ERBIN: variants seen among roughly 807,000 people sequenced by gnomAD.
ERBIN encodes the protein erbb2 interacting protein, also known as densin-180-like protein.
ERBIN carries 60 observed loss-of-function variants against 158.4 expected under a neutral mutation model. The ratio of observed to expected loss-of-function variants is 0.38; its 90% confidence interval spans 0.31 to 0.47. The LOEUF (loss-of-function observed/expected upper bound fraction) is 0.47, where lower values mean the gene tolerates loss of function less well. ERBIN is among the 20% of genes least tolerant of loss of function. The probability of loss-of-function intolerance (pLI) is 0.99; values close to 1 mark genes in which losing one functional copy is unlikely to be tolerated. For synonymous variants in ERBIN, 594 were observed against 557.2 expected, an observed-to-expected ratio of 1.07 and a Z score of -0.93; for missense variants, 1,610 against 1,648.0, an observed-to-expected ratio of 0.98 and a Z score of 0.40.
intron 21 of ERBIN, among the ~76,000 whole-genome samples, chr5:66,059,489 A>G (rs2151259695): frequency 6.6e-6 from 1 of 152,300 alleles, no homozygotes; most frequent in Non-Finnish European, 1.5e-5. Flanking sequence ...GCAAACAGGG[A>G]CAATTTGACT....
intron 1 of ERBIN, among the ~76,000 whole-genome samples, chr5:65,930,490 A>G (rs1743233002): frequency 1.3e-5 from 2 of 152,138 alleles, no homozygotes; most frequent in African/African-American, 4.8e-5. Flanking sequence ...TTGTATTTTT[A>G]GTAGAGACGC....
chr5:66,002,863 T>A (rs1272428437), intron 4 of ERBIN, among the ~76,000 whole-genome samples: 1 of 152,232 alleles, frequency 6.6e-6, no homozygotes, highest in Non-Finnish European at 1.5e-5. Flanking sequence ...GTTGACGTTT[T>A]GAGCCCAGCT....
intron 4 of ERBIN, among the ~76,000 whole-genome samples, chr5:66,008,185 G>A (rs76120652): frequency 0.04 from 6,098 of 152,230 alleles, 413 homozygotes; most frequent in African/African-American, 0.14. Context: ...GGGAGGCTGA[G>A]GTGGGCGGAT....
intron 23 of ERBIN, 93 bp from the exon 24 acceptor site, chr5:66,076,223 T>C: frequency 1.1e-6 from 1 of 891,488 alleles, no homozygotes; most frequent in African/African-American, 1.7e-5. Flanking sequence ...TTATGTTTGC[T>C]TGGACTTAAC....
intron 15 of ERBIN, among the ~76,000 whole-genome samples, chr5:66,040,042 A>G (rs565877586): frequency 2.5e-4 from 38 of 152,072 alleles, no homozygotes; most frequent in African/African-American, 8.7e-4. Flanking sequence ...TCTGGAATAC[A>G]AGAGTATTTC....
At chr5:66,076,977 C>A (rs73763088) in intron 25 of ERBIN, 28 bp downstream of exon 25, 3 of 1,215,150 alleles carry the variant, frequency 2.5e-6, no homozygotes, top group Admixed American at 2.2e-5. Flanking sequence ...TTTTTTTTTT[C>A]ATTTTATAAC....
rs1297756929 is a variant in ERBIN at position 65,948,256 on chromosome 5, C to A, written c.-58+21450C>A. ...GAGTGCAGTGGGTTGATCACTGCAG[C>A]CTGGGCATCCCAGGCTCAAGCAATC... On this transcript the variant is annotated intron_variant, in intron 1 of 25. Transcript: ENST00000284037. Among the ~76,000 whole-genome samples the A allele has an allele frequency of 1.9e-4, 29 of 151,784 alleles. 1 individual carries two copies. Among genetic ancestry groups the A allele is most frequent in the Admixed American group, 1.9e-3 (29 of 15,246 alleles).
intron 1 of ERBIN, among the ~76,000 whole-genome samples, chr5:65,967,086 A>C (rs545047230): frequency 4.6e-5 from 7 of 152,242 alleles, no homozygotes; most frequent in African/African-American, 1.7e-4. Flanking sequence ...AGCCTGGGTA[A>C]CATAGAGAGA....
intron 1 of ERBIN, among the ~76,000 whole-genome samples, chr5:65,966,378 G>T (rs531604439): frequency 6.6e-6 from 1 of 152,102 alleles, no homozygotes; most frequent in South Asian, 2.1e-4. Context: ...CTTTGAGTGT[G>T]CTCCTCCATA....
At chr5:65,987,367 T>TAAACACACACACACACACAC (rs1554053504) in intron 1 of ERBIN, among the ~76,000 whole-genome samples, 2 of 135,684 alleles carry the variant, frequency 1.5e-5, no homozygotes, top group African/African-American at 5.7e-5. Context: ...AGAGACTGTC[T>TAAACACACACACACACACAC]ACACACACAC....
chr5:66,026,741 A>G (rs1756299766), intron 13 of ERBIN, among the ~76,000 whole-genome samples: 1 of 151,982 alleles, frequency 6.6e-6, no homozygotes, highest in Non-Finnish European at 1.5e-5. Flanking sequence ...TTTTCTTTAA[A>G]TACAAAGAGT....
At chr5:66,056,581 T>C (rs2151248072) in intron 21 of ERBIN, among the ~76,000 whole-genome samples, 1 of 152,244 alleles carries the variant, frequency 6.6e-6, no homozygotes, top group South Asian at 2.1e-4. Flanking sequence ...TATTTTGAAA[T>C]TCACGGTACG....
intron 4 of ERBIN, among the ~76,000 whole-genome samples, chr5:66,009,699 G>A (rs1258364257): frequency 1.3e-5 from 2 of 152,058 alleles, no homozygotes; most frequent in Non-Finnish European, 2.9e-5. Flanking sequence ...TTGGAGGCTT[G>A]GAATAGGATT....
intron 4 of ERBIN, among the ~76,000 whole-genome samples, chr5:66,005,754 AACAG>A (rs1279505483): frequency 6.6e-6 from 1 of 152,218 alleles, no homozygotes; most frequent in Non-Finnish European, 1.5e-5. Context: ...ATACACCAGT[AACAG>A]ACAAACAGCC....
In ERBIN at chr5:66,049,668, G is replaced by A. The variant is rs570331089; in HGVS notation, c.1903+887G>A. 2.8e-4 allele frequency among the ~76,000 whole-genome samples: 42 copies of A among 151,914 alleles called. 1 individual carries two copies. Among genetic ancestry groups the A allele is most frequent in the African/African-American group, 4.8e-4 (20 of 41,470 alleles). On this transcript the variant is annotated intron_variant, in intron 19 of 25. Transcript: ENST00000284037. ...CTACTGTTAACTGTAAATACAATCCGGACTACTTGAGCTGTGCTCCTAAGA... is the reference window on the plus strand; with the variant it reads ...CTACTGTTAACTGTAAATACAATCCAGACTACTTGAGCTGTGCTCCTAAGA...
rs141593630 is a variant in ERBIN, at chr5:66,045,962, A to G, written c.1603-391A>G. Among the ~76,000 whole-genome samples the G allele has an allele frequency of 2.3e-3, 348 of 152,306 alleles. 9 individuals carry two copies. Among genetic ancestry groups the G allele is most frequent in the Admixed American group, 0.022 (330 of 15,298 alleles). On this transcript the variant is annotated intron_variant, in intron 17 of 25. Transcript: ENST00000284037. The stretch of plus-strand genomic sequence containing the variant: ...TCCTTTAGGACTTTGCCACACACAC[A>G]TTATTGTATCACAGAAACAAAAGTT...
Position 66,053,713 on chromosome 5 carries a change from A to G in ERBIN, c.2395A>G (p.Asn799Asp), listed in dbSNP as rs201502465. The stretch of plus-strand genomic sequence containing the variant: ...GCTTGGAACAAGCTTTTTAAGCATT[A>G]ATTCTAAAGAGGAAACTGAGCACTT... ...IVLGTSFLSI[N>D]SKEETEHLEN... The change falls in exon 21 of 26, where the codon AAT becomes GAT. Residue 799 changes from asparagine to aspartate, a missense_variant. Physicochemically the swap from Asn to Asp is conservative, Grantham distance 23 (BLOSUM62 1). Transcript: ENST00000284037. 6.2e-7 allele frequency: 1 copy of G among 1,613,924 alleles called. No individual in the cohort carries two copies.
In ERBIN at chr5:66,020,923, T is replaced by C. The variant is rs546503713; in HGVS notation, c.534-399T>C. ...CAGTTATCTTAAAGTCTTACAAATATATGAGCAGTTTTGAAAAAGAATTTT... is the reference window on the plus strand; with the variant it reads ...CAGTTATCTTAAAGTCTTACAAATACATGAGCAGTTTTGAAAAAGAATTTT... On this transcript the variant is annotated intron_variant, in intron 7 of 25. Coordinates refer to ENST00000284037, the MANE Select transcript of ERBIN (RefSeq NM_001253697.2). Among the ~76,000 whole-genome samples the C allele has an allele frequency of 5.9e-5, 9 of 152,104 alleles. 1 individual carries two copies. The South Asian group carries it at 6.2e-4, about 11-fold the overall frequency.
chr5:66,074,405 A>G lies in ERBIN; in HGVS notation c.3757-619A>G, dbSNP rs537862041. Among the ~76,000 whole-genome samples the G allele has an allele frequency of 4.4e-5, 6 of 137,576 alleles. No individual in the cohort carries two copies. The South Asian group carries it at 1.1e-3, about 25-fold the overall frequency. 90.3% of individuals were successfully genotyped at this position (137,576 alleles called of 152,430 possible). On this transcript the variant is annotated intron_variant, in intron 22 of 25. Transcript: ENST00000284037. ...ATTTAATTTTTATGGCTAATAGTCTATGGAATTAATAATAAGAGATTATAA... is the reference window on the plus strand; with the variant it reads ...ATTTAATTTTTATGGCTAATAGTCTGTGGAATTAATAATAAGAGATTATAA...
Sources: gnomAD v4.1 joint callset for allele counts (sites outside exome capture counted in the v4.1 genomes callset) on GRCh38, gnomAD v4.1.1 for gene constraint, MANE v1.5 for transcripts, NCBI Gene and HGNC (gene_info 2026-07-23, HGNC 2026-07-21) for gene names.